Variants in MTREX observed in about 807,000 individuals in gnomAD.
The protein encoded by MTREX is exosome RNA helicase MTR4.
MTREX carries 76 observed loss-of-function variants against 135.4 expected under a neutral mutation model. The ratio of observed to expected loss-of-function variants is 0.56; its 90% CI spans 0.47 to 0.68. The LOEUF (loss-of-function observed/expected upper bound fraction) is 0.68, where lower values mean the gene tolerates loss of function less well. Among genes scored for constraint, MTREX ranks in the 30% least tolerant of loss-of-function variants. The pLI, the probability that MTREX is intolerant of heterozygous loss-of-function variation, is 0.00. For synonymous variants in MTREX, 404 were observed against 401.6 expected, an observed-to-expected ratio of 1.01 and a Z score of -0.07; for missense variants, 920 against 1,262.1, an observed-to-expected ratio of 0.73 and a Z score of 4.11.
At chr5:55,358,369 G>T (rs973339578) in intron 14 of MTREX, among the ~76,000 whole-genome samples, 15 of 152,142 alleles carry the variant, frequency 9.9e-5, no homozygotes, top group African/African-American at 3.4e-4. Context: ...ATGTCAGTGT[G>T]ATGTCGGTTT....
intron 15 of MTREX, among the ~76,000 whole-genome samples, chr5:55,363,941 G>A (rs1371487039): frequency 6.6e-6 from 1 of 152,162 alleles, no homozygotes; most frequent in East Asian, 1.9e-4. Flanking sequence ...CTACATTCAT[G>A]CATAGAAAGC....
intron 19 of MTREX, among the ~76,000 whole-genome samples, chr5:55,388,753 G>T (rs1750520470): frequency 6.6e-6 from 1 of 152,056 alleles, no homozygotes; most frequent in Non-Finnish European, 1.5e-5. Flanking sequence ...TAAGGAGGAG[G>T]CTCTGTAATG....
intron 14 of MTREX, among the ~76,000 whole-genome samples, chr5:55,354,721 AC>A (rs1749882570): frequency 6.6e-6 from 1 of 152,160 alleles, no homozygotes; most frequent in Non-Finnish European, 1.5e-5. Flanking sequence ...TGGGAGCCAA[AC>A]CCTCTGTGCT....
chr5:55,355,555 TAGTC>T (rs1749897752), intron 14 of MTREX, among the ~76,000 whole-genome samples: 4 of 152,102 alleles, frequency 2.6e-5, no homozygotes, highest in Admixed American at 2.6e-4. Context: ...GACCCTCTCA[TAGTC>T]AGAGATAGGC....
At chr5:55,399,699 G>A (rs1750694816) in intron 20 of MTREX, among the ~76,000 whole-genome samples, 3 of 152,078 alleles carry the variant, frequency 2.0e-5, no homozygotes, top group African/African-American at 7.2e-5. Flanking sequence ...GTGTTAGCCA[G>A]GATGGTCTCG....
chr5:55,348,127 T>G (rs1437854476), intron 11 of MTREX, among the ~76,000 whole-genome samples: 1 of 152,126 alleles, frequency 6.6e-6, no homozygotes, highest in Non-Finnish European at 1.5e-5. Flanking sequence ...TTTCTTATAG[T>G]TTGAGAGGCT....
At chr5:55,390,639 C>T (rs1465495428) in intron 19 of MTREX, among the ~76,000 whole-genome samples, 1 of 152,044 alleles carries the variant, frequency 6.6e-6, no homozygotes, top group African/African-American at 2.4e-5. Flanking sequence ...ATCATGGCCA[C>T]GTCATGATAG....
intron 13 of MTREX, among the ~76,000 whole-genome samples, chr5:55,352,002 TTTTTTGTTTTTG>T (rs201624259): frequency 7.4e-4 from 112 of 151,384 alleles, no homozygotes; most frequent in African/African-American, 2.3e-3. Context: ...TTTTTTCTTG[TTTTTTGTTTTTG>T]TTTTTGTTTT....
chr5:55,421,126 A>G (rs1205355824), intron 25 of MTREX, among the ~76,000 whole-genome samples: 2 of 152,230 alleles, frequency 1.3e-5, no homozygotes, highest in Non-Finnish European at 2.9e-5. Context: ...CATTTAGCCT[A>G]TGATGGGTCA....
At chr5:55,391,823 T>C (rs1015109077) in intron 19 of MTREX, among the ~76,000 whole-genome samples, 1 of 152,232 alleles carries the variant, frequency 6.6e-6, no homozygotes, top group Non-Finnish European at 1.5e-5. Context: ...AACCAGTATA[T>C]AACCTCCATA....
intron 26 of MTREX, chr5:55,423,553 TCTCAACTCTG>T (rs1477380534): frequency 1.3e-5 from 2 of 152,750 alleles, no homozygotes; most frequent in Non-Finnish European, 2.9e-5. Context: ...GCCCCAGGCT[TCTCAACTCTG>T]CAGTGACTGG....
At chr5:55,316,251 A>G (rs1365724627) in intron 1 of MTREX, among the ~76,000 whole-genome samples, 1 of 152,174 alleles carries the variant, frequency 6.6e-6, no homozygotes, top group Non-Finnish European at 1.5e-5. Context: ...ATTCATAAAA[A>G]TTGAGGAGGA....
At chr5:55,348,243 G>A (rs1426527914) in intron 11 of MTREX, among the ~76,000 whole-genome samples, 3 of 152,102 alleles carry the variant, frequency 2.0e-5, no homozygotes, top group Non-Finnish European at 4.4e-5. Flanking sequence ...AGAGAGGGTG[G>A]GAGAAGGGGG....
In MTREX at chr5:55,322,492, G is replaced by A. The variant is rs552869302; in HGVS notation, c.272+28G>A. On this transcript the variant is annotated intron_variant, in intron 2 of 26. Coordinates refer to ENST00000230640, the MANE Select transcript of MTREX (RefSeq NM_015360.5). The stretch of plus-strand genomic sequence containing the variant: ...AATATTTCCAAAGTCCTAAATGTTA[G>A]TAACTCATAATTCAGGTGGTTACAT... 156 of 1,526,612 alleles carry A rather than the reference G, an allele frequency of 1.0e-4. 1 individual carries two copies. In the South Asian group the frequency reaches 1.9e-3, roughly 19 times the overall value. The allele number at this position is 1,526,612 out of a possible 1,614,324, so 94.6% of individuals were successfully genotyped here.
chr5:55,422,586 C>T (rs572884224), intron 25 of MTREX, among the ~76,000 whole-genome samples: 5 of 152,256 alleles, frequency 3.3e-5, no homozygotes, highest in Admixed American at 6.5e-5. Flanking sequence ...ATTATGTCAT[C>T]TTTGCAGCCT....
Position 55,425,218 on chromosome 5 carries a change from A to G in MTREX, c.*446A>G. The stretch of plus-strand genomic sequence containing the variant: ...ACCCTGCTGCCTTTCAAGGCTGGTG[A>G]TTGCTCGGATAGTGATTCCCAGTTG... On this transcript the variant is annotated 3_prime_UTR_variant, in exon 27 of 27. Transcript: ENST00000230640. The G allele has an allele frequency of 6.2e-7, 1 of 1,613,448 alleles. No homozygotes were observed. Among genetic ancestry groups the G allele is most frequent in the Non-Finnish European group, 8.5e-7 (1 of 1,179,834 alleles).
intron 19 of MTREX, among the ~76,000 whole-genome samples, chr5:55,388,761 A>G (rs971109280): frequency 5.9e-5 from 9 of 152,194 alleles, no homozygotes; most frequent in African/African-American, 1.9e-4. Flanking sequence ...AGGCTCTGTA[A>G]TGACTGAAGC....
intron 16 of MTREX, among the ~76,000 whole-genome samples, chr5:55,376,558 A>T (rs969799568): frequency 1.3e-5 from 2 of 152,234 alleles, no homozygotes; most frequent in African/African-American, 4.8e-5. Context: ...AAGTGAAAAC[A>T]AATCTCTTAG....
chr5:55,391,023 G>C (rs1438420284), intron 19 of MTREX, among the ~76,000 whole-genome samples: 1 of 152,020 alleles, frequency 6.6e-6, no homozygotes, highest in Admixed American at 6.6e-5. Flanking sequence ...CTGTGTATAG[G>C]TCATACTTTA....
Sources: gnomAD v4.1 joint callset for allele counts (sites outside exome capture counted in the v4.1 genomes callset) on GRCh38, gnomAD v4.1.1 for gene constraint, MANE v1.5 for transcripts, NCBI Gene and HGNC (gene_info 2026-07-23, HGNC 2026-07-21) for gene names.